PTPRD: variants seen among roughly 807,000 people sequenced by gnomAD.
PTPRD encodes the protein protein tyrosine phosphatase receptor type D.
A neutral mutation model predicts 214.5 loss-of-function variants in PTPRD; 34 were observed. That is an observed-to-expected ratio of 0.16 (90% CI 0.12 to 0.21). PTPRD has a LOEUF of 0.21. Ranked by LOEUF, PTPRD falls within the 10% of genes least tolerant of loss-of-function variation. The probability of loss-of-function intolerance (pLI) is 1.00; values close to 1 mark genes in which losing one functional copy is unlikely to be tolerated. For missense variants in PTPRD, 2,545 were observed against 2,398.7 expected, an observed-to-expected ratio of 1.06 and a Z score of -1.27; for synonymous variants, 1,128 against 845.7, an observed-to-expected ratio of 1.33 and a Z score of -5.79.
chr9:9,368,280 A>C (rs1280909758), intron 9 of PTPRD, among the ~76,000 whole-genome samples: 1 of 151,482 alleles, frequency 6.6e-6, no homozygotes, highest in African/African-American at 2.4e-5. Context: ...TTATGACTTG[A>C]GCCTCACAGG....
intron 6 of PTPRD, among the ~76,000 whole-genome samples, chr9:9,747,241 T>C (rs2098467035): frequency 1.5e-5 from 1 of 65,278 alleles, no homozygotes; most frequent in Admixed American, 1.3e-4. Flanking sequence ...ATTTCAGGAC[T>C]ATCAACAGCT....
intron 3 of PTPRD, among the ~76,000 whole-genome samples, chr9:10,167,326 C>T (rs942044721): frequency 1.1e-4 from 17 of 151,836 alleles, no homozygotes; most frequent in South Asian, 8.3e-4. Context: ...CATGCGTGCA[C>T]GTCTAAATAA....
At chr9:9,317,000 C>G (rs1963577439) in intron 9 of PTPRD, among the ~76,000 whole-genome samples, 1 of 152,166 alleles carries the variant, frequency 6.6e-6, no homozygotes, top group Middle Eastern at 3.2e-3. Context: ...CATGGCCCTT[C>G]TCTCCTTCAA....
intron 2 of PTPRD, among the ~76,000 whole-genome samples, chr9:10,515,123 T>G (rs190049721): frequency 1.3e-5 from 2 of 152,148 alleles, no homozygotes; most frequent in East Asian, 1.9e-4. Context: ...TGTATCTAAT[T>G]TATAGGCCTT....
chr9:10,425,488 T>C (rs909370302), intron 2 of PTPRD, among the ~76,000 whole-genome samples: 4 of 151,940 alleles, frequency 2.6e-5, no homozygotes, highest in African/African-American at 9.7e-5. Context: ...TGCTACTTTG[T>C]TCTCCAAGCA....
intron 3 of PTPRD, among the ~76,000 whole-genome samples, chr9:10,157,267 A>G (rs2099099487): frequency 6.6e-6 from 1 of 152,290 alleles, no homozygotes; most frequent in East Asian, 1.9e-4. Context: ...GACAATTGAT[A>G]AAGGTCTTTC....
At chr9:9,567,491 A>G (rs1483457968) in intron 8 of PTPRD, among the ~76,000 whole-genome samples, 2 of 152,022 alleles carry the variant, frequency 1.3e-5, no homozygotes, top group African/African-American at 4.8e-5. Context: ...ACAATTGCCT[A>G]CTTCCTAAGC....
intron 9 of PTPRD, among the ~76,000 whole-genome samples, chr9:9,333,530 T>C (rs1432888308): frequency 7.8e-6 from 1 of 128,326 alleles, no homozygotes; most frequent in Non-Finnish European, 1.5e-5. Context: ...ATATATAAAG[T>C]CTGCAATGCA....
intron 7 of PTPRD, among the ~76,000 whole-genome samples, chr9:9,710,711 G>A (rs949875843): frequency 6.6e-6 from 1 of 151,686 alleles, no homozygotes; most frequent in East Asian, 1.9e-4. Flanking sequence ...AAGGTATGAA[G>A]TACTATACTA....
At chr9:9,490,966 T>TATAAAC (rs1476568948) in intron 8 of PTPRD, among the ~76,000 whole-genome samples, 1 of 151,414 alleles carries the variant, frequency 6.6e-6, no homozygotes, top group Non-Finnish European at 1.5e-5. Context: ...AATGAACTAA[T>TATAAAC]ATAAATATAA....
chr9:9,142,098 G>C (rs532588004), intron 10 of PTPRD, among the ~76,000 whole-genome samples: 1 of 152,372 alleles, frequency 6.6e-6, no homozygotes, highest in Admixed American at 6.5e-5. Flanking sequence ...CCTTGTGCTT[G>C]TAGGGACCAT....
At chr9:9,043,382 C>T (rs546340480) in intron 10 of PTPRD, among the ~76,000 whole-genome samples, 2 of 152,110 alleles carry the variant, frequency 1.3e-5, no homozygotes, top group Non-Finnish European at 2.9e-5. Flanking sequence ...AGATAGGTGT[C>T]ACCATTATTA....
chr9:9,130,925 G>A (rs1569549726), intron 10 of PTPRD, among the ~76,000 whole-genome samples: 1 of 152,120 alleles, frequency 6.6e-6, no homozygotes, highest in African/African-American at 2.4e-5. Flanking sequence ...TGGATCCTAT[G>A]ACGAACCCTT....
chr9:8,767,183 T>C (rs949886146), intron 11 of PTPRD, among the ~76,000 whole-genome samples: 21 of 152,118 alleles, frequency 1.4e-4, no homozygotes, highest in Non-Finnish European at 3.1e-4. Context: ...AATGGCACGA[T>C]CTTGGCTCAC....
chr9:10,216,439 A>G (rs1235554294), intron 3 of PTPRD, among the ~76,000 whole-genome samples: 30 of 152,004 alleles, frequency 2.0e-4, no homozygotes, highest in Non-Finnish European at 1.5e-5. Context: ...ATACACCATT[A>G]AAACTAAAAT....
intron 11 of PTPRD, among the ~76,000 whole-genome samples, chr9:8,765,307 T>C (rs2094646015): frequency 2.0e-5 from 3 of 152,200 alleles, no homozygotes; most frequent in Non-Finnish European, 2.9e-5. Flanking sequence ...AATAACATTA[T>C]GCCAGAGGTG....
At chr9:9,000,519 A>G (rs187116611) in intron 11 of PTPRD, among the ~76,000 whole-genome samples, 8 of 152,048 alleles carry the variant, frequency 5.3e-5, no homozygotes, top group Admixed American at 4.6e-4. Context: ...CTTTTTAAAA[A>G]ACTTGGCCTC....
intron 14 of PTPRD, among the ~76,000 whole-genome samples, chr9:8,603,932 T>A (rs1485204892): frequency 6.6e-6 from 1 of 152,224 alleles, no homozygotes; most frequent in Non-Finnish European, 1.5e-5. Flanking sequence ...GACACTATAA[T>A]GTGTTTCCTA....
intron 4 of PTPRD, among the ~76,000 whole-genome samples, chr9:9,998,533 G>T (rs1223083540): frequency 6.8e-6 from 1 of 147,810 alleles, no homozygotes; most frequent in African/African-American, 2.5e-5. Context: ...ATACTTCCCA[G>T]ACATTATCAT....
Sources: allele counts gnomAD v4.1 joint callset (sites outside exome capture counted in the v4.1 genomes callset), GRCh38; gene constraint gnomAD v4.1.1; transcripts MANE v1.5; gene names NCBI Gene and HGNC (gene_info 2026-07-23, HGNC 2026-07-21).